Variants in USP10 observed in about 807,000 individuals in gnomAD.
USP10 encodes ubiquitin carboxyl-terminal hydrolase 10.
Under a neutral mutation model 84.5 loss-of-function variants are expected in USP10, and 22 were observed. The observed-to-expected ratio is 0.26, with a 90% CI of 0.19 to 0.37. The LOEUF (loss-of-function observed/expected upper bound fraction) is 0.37, where lower values mean the gene tolerates loss of function less well. Ranked by LOEUF, USP10 falls within the 10% of genes least tolerant of loss-of-function variation. USP10 has a pLI of 1.00. For missense variants in USP10, 1,019 were observed against 998.9 expected, an observed-to-expected ratio of 1.02 and a Z score of -0.27; for synonymous variants, 454 against 387.6, an observed-to-expected ratio of 1.17 and a Z score of -2.01.
chr16:84,755,178 T>C (rs1376639638), intron 4 of USP10, among the ~76,000 whole-genome samples: 1 of 150,982 alleles, frequency 6.6e-6, no homozygotes, highest in Non-Finnish European at 1.5e-5. Context: ...GGTGGCTGCT[T>C]TCATTTCCTT....
chr16:84,754,902 A>G (rs1344833048), intron 4 of USP10, among the ~76,000 whole-genome samples: 1 of 152,032 alleles, frequency 6.6e-6, no homozygotes, highest in Non-Finnish European at 1.5e-5. Flanking sequence ...GCACTTTGGG[A>G]ATCCAAGGCA....
intron 12 of USP10, among the ~76,000 whole-genome samples, chr16:84,773,477 G>A (rs1003348884): frequency 2.0e-5 from 3 of 152,122 alleles, no homozygotes; most frequent in African/African-American, 7.2e-5. Context: ...CCCAGGAACT[G>A]TGGGCATGGC....
rs76323200 is a variant in USP10, at chr16:84,701,817, G to C, written c.21+1706G>C. ...AAAATTGGAGTAGCAAAAGTTGGCG[G>C]AACGTAAATGTTAGCAACACTTTGG... On this transcript the variant is annotated intron_variant, in intron 1 of 13. Transcript: ENST00000219473. 8.4e-3 allele frequency among the ~76,000 whole-genome samples: 1,283 copies of C among 152,260 alleles called. 11 individuals carry two copies. Among genetic ancestry groups the C allele is most frequent in the African/African-American group, 0.029 (1,203 of 41,540 alleles).
At chr16:84,715,786 TGAG>T (rs1460212917) in intron 1 of USP10, among the ~76,000 whole-genome samples, 1 of 152,236 alleles carries the variant, frequency 6.6e-6, no homozygotes, top group Non-Finnish European at 1.5e-5. Context: ...GTTACAGTTT[TGAG>T]GACGTGGCTT....
chr16:84,775,410 A>G (rs754441680), intron 13 of USP10, among the ~76,000 whole-genome samples, 185 bp downstream of exon 13: 3 of 152,320 alleles, frequency 2.0e-5, no homozygotes, highest in Admixed American at 2.0e-4. Context: ...ACGGATTATC[A>G]TCTTGGCCCT....
At chr16:84,740,162 C>A in intron 2 of USP10, 147 bp from the exon 3 acceptor site, 2 of 598,742 alleles carry the variant, frequency 3.3e-6, no homozygotes, top group Non-Finnish European at 5.8e-6. Context: ...ATTGCACTGA[C>A]TCTTCATGTA....
intron 2 of USP10, among the ~76,000 whole-genome samples, chr16:84,735,014 T>A (rs566991655): frequency 3.0e-4 from 45 of 152,274 alleles, no homozygotes; most frequent in African/African-American, 1.0e-3. Flanking sequence ...ATTTTATTTT[T>A]TTATTTCTAT....
chr16:84,713,884 C>T (rs1315992574), intron 1 of USP10, among the ~76,000 whole-genome samples: 1 of 152,234 alleles, frequency 6.6e-6, no homozygotes, highest in Non-Finnish European at 1.5e-5. Flanking sequence ...AGCAGAAAGA[C>T]CTGGCGTGTG....
intron 1 of USP10, among the ~76,000 whole-genome samples, chr16:84,714,933 TTA>T (rs1398652646): frequency 0.017 from 2,416 of 142,536 alleles, 66 homozygotes; most frequent in African/African-American, 0.06. Flanking sequence ...ATTATTATTA[TTA>T]TTTTTTTTTT....
rs1212451997 is a variant in USP10, at chr16:84,779,690, C to T, written c.*608C>T. ...TATTTGGAGTTAAAATGTTAGTCTA[C>T]ATAGATGGGTGATTGTAACTTTATT... On this transcript the variant is annotated 3_prime_UTR_variant, in exon 14 of 14. Transcript: ENST00000219473. The T allele has an allele frequency of 6.5e-6, 1 of 152,738 alleles. No homozygotes were observed. Among genetic ancestry groups the T allele is most frequent in the African/African-American group, 2.4e-5 (1 of 41,460 alleles). The allele number at this position is 152,738 out of a possible 1,614,324, so 9.5% of individuals were successfully genotyped here.
At chr16:84,713,631 A>G (rs1326357285) in intron 1 of USP10, among the ~76,000 whole-genome samples, 1 of 152,196 alleles carries the variant, frequency 6.6e-6, no homozygotes, top group East Asian at 1.9e-4. Flanking sequence ...TTTATTAACA[A>G]ACACCTTCAT....
intron 1 of USP10, among the ~76,000 whole-genome samples, chr16:84,708,043 A>C (rs1345809704): frequency 1.3e-5 from 2 of 152,142 alleles, no homozygotes; most frequent in African/African-American, 2.4e-5. Flanking sequence ...GTGCCACTGC[A>C]CTTCAGCTTG....
intron 1 of USP10, among the ~76,000 whole-genome samples, chr16:84,724,800 A>C (rs374266546): frequency 6.6e-6 from 1 of 152,146 alleles, no homozygotes; most frequent in African/African-American, 2.4e-5. Context: ...TGCTCAGTGC[A>C]TATTGTTAAA....
At chr16:84,752,625 C>T (rs1912064299) in intron 4 of USP10, among the ~76,000 whole-genome samples, 1 of 152,206 alleles carries the variant, frequency 6.6e-6, no homozygotes, top group Non-Finnish European at 1.5e-5. Context: ...TCTGGCTTGT[C>T]CGTAAGACCT....
chr16:84,777,800 C>G (rs147243228), intron 13 of USP10, among the ~76,000 whole-genome samples: 3 of 152,234 alleles, frequency 2.0e-5, no homozygotes, highest in African/African-American at 7.2e-5. Context: ...TGCTGAAATT[C>G]CCTACCAGCC....
At chr16:84,777,024 G>A (rs143024724) in intron 13 of USP10, among the ~76,000 whole-genome samples, 2 of 152,228 alleles carry the variant, frequency 1.3e-5, no homozygotes, top group Non-Finnish European at 2.9e-5. Flanking sequence ...TTTTGGCCAG[G>A]CTGGAAGCCT....
At chr16:84,715,654 A>AAG (rs1491536840) in intron 1 of USP10, among the ~76,000 whole-genome samples, 1 of 151,932 alleles carries the variant, frequency 6.6e-6, no homozygotes, top group African/African-American at 2.4e-5. Flanking sequence ...TTTTAAAAAA[A>AAG]CAAACAAGTA....
At chr16:84,719,246 A>G (rs1023860780) in intron 1 of USP10, among the ~76,000 whole-genome samples, 1 of 152,108 alleles carries the variant, frequency 6.6e-6, no homozygotes, top group Non-Finnish European at 1.5e-5. Context: ...TTATTTTATA[A>G]TTTCTTTTTT....
intron 1 of USP10, chr16:84,732,582 G>A (rs1017297730): frequency 9.0e-6 from 3 of 334,260 alleles, no homozygotes; most frequent in Non-Finnish European, 5.8e-6. Flanking sequence ...GAGCAGCCGG[G>A]ACTACAGGTA....
Sources: allele counts gnomAD v4.1 joint callset (sites outside exome capture counted in the v4.1 genomes callset), GRCh38; gene constraint gnomAD v4.1.1; transcripts MANE v1.5; gene names NCBI Gene and HGNC (gene_info 2026-07-23, HGNC 2026-07-21).